The following FBXO11 variants were observed in gnomAD, a reference collection of about 807,000 sequenced individuals.
FBXO11 encodes the protein F-box protein 11.
Under a neutral mutation model 117.0 loss-of-function variants are expected in FBXO11, and 13 were observed. The ratio of observed to expected loss-of-function variants is 0.11; its 90% CI spans 0.07 to 0.18. The LOEUF (loss-of-function observed/expected upper bound fraction) is 0.18. Among genes scored for constraint, FBXO11 ranks in the 10% least tolerant of loss-of-function variants. The pLI is 1.00. For missense variants in FBXO11, 767 were observed against 1,164.4 expected (o/e 0.66, Z 4.97); for synonymous variants, 490 against 380.5 (o/e 1.29, Z -3.35).
intron 1 of FBXO11, among the ~76,000 whole-genome samples, chr2:47,885,390 C>T (rs374386303): frequency 3.3e-5 from 5 of 152,022 alleles, no homozygotes; most frequent in Non-Finnish European, 4.4e-5. Flanking sequence ...GTCAGGAGTT[C>T]GAGACCAGTC....
At chr2:47,824,073 T>C (rs934346165) in intron 11 of FBXO11, among the ~76,000 whole-genome samples, 2 of 152,150 alleles carry the variant, frequency 1.3e-5, no homozygotes, top group Non-Finnish European at 1.5e-5. Context: ...TTCAAAGGCA[T>C]GAAGGAAAAA....
chr2:47,865,263 T>C lies in FBXO11; in HGVS notation c.233-25494A>G, dbSNP rs551404796. ...AACCTGCACAGATGAACATCTTGAA[T>C]AAAGCTCACATTTCTCAGCTGCTCT... On this transcript the variant is annotated intron_variant, in intron 1 of 22. Coordinates refer to ENST00000403359, the MANE Select transcript of FBXO11 (RefSeq NM_001190274.2). Among the ~76,000 whole-genome samples, 5 of 152,350 alleles carry C rather than the reference T, an allele frequency of 3.3e-5. No individual in the cohort carries two copies. In the South Asian group the frequency reaches 1.0e-3, roughly 32 times the overall value.
At chr2:47,820,485 A>T (rs1379397211) in intron 13 of FBXO11, 29 bp from the exon 14 acceptor site, 19 of 1,544,688 alleles carry the variant, frequency 1.2e-5, no homozygotes, top group Admixed American at 1.7e-5. Context: ...TACAAGGTCA[A>T]CATTTGTGAG....
chr2:47,891,836 T>C (rs893434952), intron 1 of FBXO11, among the ~76,000 whole-genome samples: 18 of 152,198 alleles, frequency 1.2e-4, no homozygotes, highest in African/African-American at 3.6e-4. Flanking sequence ...AGATATCTCA[T>C]TGTGGTTTTT....
intron 1 of FBXO11, among the ~76,000 whole-genome samples, chr2:47,843,112 G>A (rs1275343890): frequency 6.6e-6 from 1 of 152,166 alleles, no homozygotes; most frequent in South Asian, 2.1e-4. Flanking sequence ...ATGTACTGCA[G>A]GAATCACAAA....
intron 13 of FBXO11, among the ~76,000 whole-genome samples, chr2:47,821,393 A>G (rs951398615): frequency 4.0e-5 from 6 of 151,860 alleles, no homozygotes; most frequent in Non-Finnish European, 7.4e-5. Flanking sequence ...GGCAGATCAC[A>G]AGGTCAGGAG....
chr2:47,862,568 T>C (rs897601669), intron 1 of FBXO11, among the ~76,000 whole-genome samples: 1 of 152,206 alleles, frequency 6.6e-6, no homozygotes, highest in African/African-American at 2.4e-5. Context: ...AGGACTATTG[T>C]GCCACCACGC....
intron 1 of FBXO11, among the ~76,000 whole-genome samples, chr2:47,902,882 G>A (rs1324480484): frequency 6.6e-6 from 1 of 150,666 alleles, no homozygotes; most frequent in Non-Finnish European, 1.5e-5. Flanking sequence ...AGATCCTAAT[G>A]CAAATGTTAC....
At chr2:47,834,758 TTAA>T in intron 6 of FBXO11, 27 bp downstream of exon 6, 1 of 1,609,164 alleles carries the variant, frequency 6.2e-7, no homozygotes, top group Non-Finnish European at 8.5e-7. Context: ...GATTACCATT[TTAA>T]GTCATAAAAA....
chr2:47,887,153 C>T (rs185177043), intron 1 of FBXO11, among the ~76,000 whole-genome samples: 82 of 151,962 alleles, frequency 5.4e-4, no homozygotes, highest in African/African-American at 1.9e-3. Context: ...GGCATGGTGG[C>T]GCATACCTGT....
chr2:47,877,618 C>T (rs1676105510), intron 1 of FBXO11, among the ~76,000 whole-genome samples: 1 of 152,086 alleles, frequency 6.6e-6, no homozygotes, highest in South Asian at 2.1e-4. Context: ...GCTTACCTTA[C>T]CCTAACGATT....
intron 11 of FBXO11, among the ~76,000 whole-genome samples, chr2:47,829,128 C>T (rs1442215864): frequency 6.6e-6 from 1 of 152,120 alleles, no homozygotes; most frequent in African/African-American, 2.4e-5. Flanking sequence ...CTCCTGGGCT[C>T]AAGGGATCTG....
At chr2:47,893,395 A>T (rs1332538086) in intron 1 of FBXO11, among the ~76,000 whole-genome samples, 1 of 152,136 alleles carries the variant, frequency 6.6e-6, no homozygotes, top group African/African-American at 2.4e-5. Context: ...ATAAGGATAA[A>T]CAGATCTGTG....
At chr2:47,878,366 T>C (rs1449689240) in intron 1 of FBXO11, among the ~76,000 whole-genome samples, 1 of 152,086 alleles carries the variant, frequency 6.6e-6, no homozygotes, top group African/African-American at 2.4e-5. Flanking sequence ...TCTTTTTTTT[T>C]TCTTTTTTTA....
chr2:47,874,200 C>T (rs1044739893), intron 1 of FBXO11, among the ~76,000 whole-genome samples: 2 of 151,818 alleles, frequency 1.3e-5, no homozygotes, highest in South Asian at 2.1e-4. Flanking sequence ...GACGATAGTG[C>T]GAGACTGTCT....
At chr2:47,885,379 G>T (rs909654546) in intron 1 of FBXO11, among the ~76,000 whole-genome samples, 2 of 152,110 alleles carry the variant, frequency 1.3e-5, no homozygotes, top group Non-Finnish European at 2.9e-5. Flanking sequence ...AAATCATTGA[G>T]GTCAGGAGTT....
Position 47,905,688 on chromosome 2 carries a change from G to C in FBXO11, c.33C>G (p.Pro11=). ...CCGGGCGCGGCCGCGACACTCGCCT[G>C]GGTCTCCGGTTGGCGGCTCGGACGG... MNSVRAANRR[P]RRVSRPRPVQ... The change falls in exon 1 of 23, where the codon CCC becomes CCG. Residue 11 remains proline, a synonymous_variant. Coordinates refer to ENST00000403359, the MANE Select transcript of FBXO11 (RefSeq NM_001190274.2). 1 of 1,520,208 alleles carries C rather than the reference G, an allele frequency of 6.6e-7. No individual in the cohort carries two copies. The highest frequency in any genetic ancestry group is 8.8e-7 in the Non-Finnish European group (1 of 1,136,176). The allele number at this position is 1,520,208 out of a possible 1,614,324, so 94.2% of individuals were successfully genotyped here.
chr2:47,865,331 T>C (rs1338181163), intron 1 of FBXO11, among the ~76,000 whole-genome samples: 1 of 152,202 alleles, frequency 6.6e-6, no homozygotes, highest in Non-Finnish European at 1.5e-5. Context: ...GCCAATGGGC[T>C]ACATGGCCAA....
intron 1 of FBXO11, among the ~76,000 whole-genome samples, chr2:47,901,081 G>A (rs1414142710): frequency 7.8e-6 from 1 of 127,602 alleles, no homozygotes; most frequent in Admixed American, 7.7e-5. Context: ...ATACACACGT[G>A]TGTACATATA....
Sources: allele counts gnomAD v4.1 joint callset (sites outside exome capture counted in the v4.1 genomes callset), GRCh38; gene constraint gnomAD v4.1.1; transcripts MANE v1.5; gene names NCBI Gene and HGNC (gene_info 2026-07-23, HGNC 2026-07-21).